The following CATSPERG variants were observed in gnomAD, a reference collection of about 807,000 sequenced individuals.
CATSPERG encodes catsper channel auxiliary subunit gamma.
Under a neutral mutation model 145.0 loss-of-function variants are expected in CATSPERG, and 115 were observed. That is an observed-to-expected ratio of 0.79 (90% CI 0.68 to 0.93). CATSPERG has a LOEUF of 0.93. Among genes scored for constraint, CATSPERG ranks in the 40% least tolerant of loss-of-function variants. CATSPERG has a pLI of 0.00. For synonymous variants in CATSPERG, 588 were observed against 589.0 expected, an observed-to-expected ratio of 1.00 and a Z score of 0.02; for missense variants, 1,296 against 1,490.1, an observed-to-expected ratio of 0.87 and a Z score of 2.14.
At chr19:38,343,150 G>C (rs2145065982) in intron 3 of CATSPERG, among the ~76,000 whole-genome samples, 1 of 152,220 alleles carries the variant, frequency 6.6e-6, no homozygotes, top group Middle Eastern at 3.4e-3. Context: ...TTCAAGACCA[G>C]CCTGGGCAAT....
At chr19:38,344,856 G>GACACACACACAC (rs34101460) in intron 6 of CATSPERG, among the ~76,000 whole-genome samples, 4 of 92,352 alleles carry the variant, frequency 4.3e-5, no homozygotes, top group East Asian at 3.9e-4. Flanking sequence ...TACATGAACA[G>GACACACACACAC]ACACACACAC....
chr19:38,357,310 G>A (rs1198806542), intron 11 of CATSPERG, among the ~76,000 whole-genome samples: 1 of 140,132 alleles, frequency 7.1e-6, no homozygotes, highest in Non-Finnish European at 1.5e-5. Context: ...AGGAGTTCAA[G>A]ACCAGCCTGG....
chr19:38,337,641 G>A lies in CATSPERG; in HGVS notation c.319G>A (p.Glu107Lys), dbSNP rs1568369797. The A allele has an allele frequency of 6.4e-7, 1 of 1,551,586 alleles. No individual in the cohort carries two copies. The highest frequency in any genetic ancestry group is 2.0e-5 in the Admixed American group (1 of 50,982). ...CCTGAAGATCAACTACTCCTGCGAG[G>A]AAAAGGTGAGTGGGTGCAGCACGGA... ...YYLKINYSCE[E>K]KPSEDLVRMG... Residue 107 changes from glutamate to lysine, a missense_variant, in exon 3 of 29, where the codon GAA becomes AAA. By Grantham distance (56) the Glu-to-Lys change is moderately conservative. Coordinates refer to ENST00000409235, the MANE Select transcript of CATSPERG (RefSeq NM_021185.5).
chr19:38,336,254 TGGGGCGAGGAAACAACGA>T (rs1205065307), intron 1 of CATSPERG: 2 of 446,600 alleles, frequency 4.5e-6, no homozygotes, highest in African/African-American at 4.3e-5. Context: ...GGAGAAGGTG[TGGGGCGAGGAAACAACGA>T]AGGGCGAGGA....
intron 14 of CATSPERG, 58 bp from the exon 15 acceptor site, chr19:38,360,431 G>T: frequency 6.2e-7 from 1 of 1,602,670 alleles, no homozygotes. Context: ...AGAGGGTGAG[G>T]TGGGATCAGA....
intron 3 of CATSPERG, among the ~76,000 whole-genome samples, chr19:38,339,730 A>T (rs990756356): frequency 6.6e-6 from 1 of 152,166 alleles, no homozygotes; most frequent in African/African-American, 2.4e-5. Context: ...ATTTTCTTCA[A>T]GAGATTTTTA....
chr19:38,366,445 T>C (rs12459746), intron 22 of CATSPERG: 34,903 of 152,390 alleles, frequency 0.23, 4,330 homozygotes, highest in Admixed American at 0.33. Flanking sequence ...GGGAACGTGG[T>C]GGGATGAGCT....
intron 8 of CATSPERG, 155 bp downstream of exon 8, chr19:38,352,587 G>T: frequency 1.7e-6 from 1 of 599,026 alleles, no homozygotes; most frequent in South Asian, 1.9e-5. Context: ...AATGGGCCTT[G>T]CCTTGCCCTT....
intron 16 of CATSPERG, among the ~76,000 whole-genome samples, chr19:38,361,082 A>C (rs1970336443): frequency 6.6e-6 from 1 of 152,148 alleles, no homozygotes; most frequent in Non-Finnish European, 1.5e-5. Context: ...AGGGTGAGGA[A>C]GGATTAGCCA....
chr19:38,343,364 C>T (rs1244721166), intron 3 of CATSPERG, among the ~76,000 whole-genome samples: 1 of 152,128 alleles, frequency 6.6e-6, no homozygotes, highest in Admixed American at 6.6e-5. Flanking sequence ...GGAAGGCCTC[C>T]GACTCCCTCC....
Position 38,337,638 on chromosome 19 carries a change from G to A in CATSPERG, c.316G>A (p.Glu106Lys), listed in dbSNP as rs1271663286. ...PYYLKINYSC[E>K]EKPSEDLVRM... ...CTACCTGAAGATCAACTACTCCTGC[G>A]AGGAAAAGGTGAGTGGGTGCAGCAC... Residue 106 changes from glutamate (E) to lysine (K), a missense_variant, in exon 3 of 29, where the codon GAG becomes AAG. By Grantham distance (56) the Glu-to-Lys change is moderately conservative. Coordinates refer to ENST00000409235, the MANE Select transcript of CATSPERG (RefSeq NM_021185.5). The A allele has an allele frequency of 2.6e-6, 4 of 1,551,704 alleles. No individual in the cohort carries two copies. Among genetic ancestry groups the A allele is most frequent in the Non-Finnish European group, 3.5e-6 (4 of 1,146,998 alleles).
At chr19:38,361,520 A>G (rs1357593110) in intron 16 of CATSPERG, 128 bp from the exon 17 acceptor site, 1 of 744,214 alleles carries the variant, frequency 1.3e-6, no homozygotes, top group Non-Finnish European at 2.2e-6. Context: ...GCAGGGGCTG[A>G]CGCTGAGGAG....
At chr19:38,348,881 A>G (rs1970087712) in intron 7 of CATSPERG, 1 of 152,184 alleles carries the variant, frequency 6.6e-6, no homozygotes, top group Non-Finnish European at 1.5e-5. Flanking sequence ...AAATCCATAA[A>G]TTTAACCATT....
rs372033781 is a variant in CATSPERG, at chr19:38,358,564, G to A, written c.1496+3G>A. The A allele has an allele frequency of 9.3e-6, 15 of 1,613,972 alleles. No homozygotes were observed. The African/African-American group carries it at 1.5e-4, about 16-fold the overall frequency. On this transcript the variant is annotated splice_donor_region_variant and intron_variant, in intron 13 of 28. Coordinates refer to ENST00000409235, the MANE Select transcript of CATSPERG (RefSeq NM_021185.5). ...TGGGGCAACTTCCTCCTGCAGAGGTGGGCCTCTACCACCCCTGGGTGGGCC... is the reference window on the plus strand; with the variant it reads ...TGGGGCAACTTCCTCCTGCAGAGGTAGGCCTCTACCACCCCTGGGTGGGCC...
chr19:38,358,236 G>A, intron 11 of CATSPERG, 42 bp from the exon 12 acceptor site: 1 of 1,606,732 alleles, frequency 6.2e-7, no homozygotes, highest in Non-Finnish European at 8.5e-7. Context: ...TTTTGAAAGT[G>A]CAGGGCCTCA....
At chr19:38,353,629 G>A (rs1474496721) in intron 8 of CATSPERG, among the ~76,000 whole-genome samples, 6 of 146,988 alleles carry the variant, frequency 4.1e-5, no homozygotes, top group East Asian at 2.0e-4. Context: ...CCCGGGAGGC[G>A]GAGCTTGCAG....
In CATSPERG at chr19:38,370,858, C is replaced by A. The variant is rs1970535636; in HGVS notation, c.*66C>A. On this transcript the variant is annotated 3_prime_UTR_variant, in exon 29 of 29. Coordinates refer to ENST00000409235, the MANE Select transcript of CATSPERG (RefSeq NM_021185.5). ...TCTTATGAGGCCCATCTTGAAGATG[C>A]AACCTGTCACCCAGCCCAGGCCTCT... 4.6e-6 allele frequency: 7 copies of A among 1,527,598 alleles called. No homozygotes were observed. In the South Asian group the frequency reaches 8.0e-5, roughly 18 times the overall value. The allele number at this position is 1,527,598 out of a possible 1,614,324, so 94.6% of individuals were successfully genotyped here.
chr19:38,344,897 A>ATTTTTT lies in CATSPERG; in HGVS notation c.669+530_669+531insTTTTTT, dbSNP rs1338386699. 3.8e-5 allele frequency among the ~76,000 whole-genome samples: 4 copies of ATTTTTT among 104,628 alleles called. 1 individual carries two copies. The highest frequency in any genetic ancestry group is 5.8e-5 in the Non-Finnish European group (3 of 51,774). The allele number at this position is 104,628 out of a possible 152,430, so 68.6% of individuals were successfully genotyped here. On this transcript the variant is annotated intron_variant, in intron 6 of 28. Transcript: ENST00000409235. ...CACACACACACATATATATATATAT[A>ATTTTTT]TATATTTTTTTTTTTTTTTTTTTTT...
intron 3 of CATSPERG, among the ~76,000 whole-genome samples, chr19:38,340,786 C>T (rs1969924834): frequency 6.6e-6 from 1 of 151,902 alleles, no homozygotes; most frequent in African/African-American, 2.4e-5. Flanking sequence ...CACCAGTGTA[C>T]TTTCAATTAG....
Sources: gnomAD v4.1 joint callset for allele counts (sites outside exome capture counted in the v4.1 genomes callset) on GRCh38, gnomAD v4.1.1 for gene constraint, MANE v1.5 for transcripts, NCBI Gene and HGNC (gene_info 2026-07-23, HGNC 2026-07-21) for gene names.